The following IPO9 variants were observed in gnomAD, a reference collection of about 807,000 sequenced individuals.
IPO9 encodes importin 9.
A neutral mutation model predicts 128.6 loss-of-function variants in IPO9; 28 were observed. The ratio of observed to expected loss-of-function variants is 0.22; its 90% CI spans 0.16 to 0.30. The LOEUF is 0.30. Ranked by LOEUF, IPO9 falls within the 10% of genes least tolerant of loss-of-function variation. IPO9 has a pLI of 1.00. For missense variants in IPO9, 935 were observed against 1,293.9 expected (o/e 0.72, Z 4.26); for synonymous variants, 455 against 475.8 (o/e 0.96, Z 0.57).
At chr1:201,874,217 A>C (rs569590376) in intron 20 of IPO9, 33 bp from the exon 21 acceptor site, 1 of 1,611,680 alleles carries the variant, frequency 6.2e-7, no homozygotes, top group East Asian at 2.2e-5. Context: ...GCTCAGTGAC[A>C]CTCTGACTTG....
chr1:201,843,827 C>G (rs1321206072), intron 1 of IPO9, among the ~76,000 whole-genome samples: 2 of 95,984 alleles, frequency 2.1e-5, no homozygotes, highest in Middle Eastern at 6.0e-3. Context: ...GATTCTGTCT[C>G]AAAAAAAAAA....
chr1:201,859,330 C>T (rs886509944), intron 13 of IPO9, among the ~76,000 whole-genome samples: 1 of 151,642 alleles, frequency 6.6e-6, no homozygotes, highest in African/African-American at 2.4e-5. Context: ...TCATCCGAAC[C>T]TCTAAAACAG....
chr1:201,844,977 A>G (rs926766362), intron 1 of IPO9, among the ~76,000 whole-genome samples: 2 of 149,266 alleles, frequency 1.3e-5, no homozygotes, highest in African/African-American at 4.9e-5. Context: ...TATATTATTC[A>G]GTCTTAAAAG....
rs530533386 is a variant in IPO9 at position 201,870,389 on chromosome 1, G to A, written c.2134-194G>A. On this transcript the variant is annotated intron_variant, in intron 17 of 23. Transcript: ENST00000361565. The surrounding 1 kb of genome is among the most constrained non-coding windows in gnomAD (Gnocchi z 4.9). ...GTGAGATAGCTGATTAGGTAAAGGG[G>A]GAATTATGTAATGCACGTCTATGTC... is the stretch of plus-strand genomic sequence containing the variant. Among the ~76,000 whole-genome samples, 130 of 152,222 alleles carry A rather than the reference G, an allele frequency of 8.5e-4. 1 individual carries two copies. The Middle Eastern group carries it at 0.024, about 28-fold the overall frequency.
At chr1:201,847,449 G>A in intron 2 of IPO9, 103 bp from the exon 3 acceptor site, 1 of 1,358,876 alleles carries the variant, frequency 7.4e-7, no homozygotes, top group Non-Finnish European at 1.0e-6. Context: ...AGGATGTTGT[G>A]CCAGATTTAG....
At chr1:201,861,129 G>C (rs550881441) in intron 13 of IPO9, among the ~76,000 whole-genome samples, 2,076 of 152,258 alleles carry the variant, frequency 0.014, 43 homozygotes, top group African/African-American at 0.045. Context: ...TTGTGCCAGT[G>C]CGCTCCAGCC....
rs1308887050 is a variant in IPO9 at position 201,876,842 on chromosome 1, A to G, written c.*788A>G. 6.6e-6 allele frequency: 1 copy of G among 152,440 alleles called. No individual in the cohort carries two copies. Among genetic ancestry groups the G allele is most frequent in the African/African-American group, 2.4e-5 (1 of 41,364 alleles). The allele number at this position is 152,440 out of a possible 1,614,324, so 9.4% of individuals were successfully genotyped here. A position where few individuals can be genotyped will look rare whatever the true frequency, so the allele number is the denominator to read the frequency against. ...ATATGCCTCTCCCACACATTACCAC[A>G]GAGTCTGATATTCAAAGGTTATCCC... On this transcript the variant is annotated 3_prime_UTR_variant, in exon 24 of 24. Transcript: ENST00000361565.
intron 5 of IPO9, 147 bp downstream of exon 5, chr1:201,852,339 T>G: frequency 1.8e-6 from 1 of 547,294 alleles, no homozygotes; most frequent in Non-Finnish European, 3.3e-6. Flanking sequence ...TGCATTAACC[T>G]TAGACCTTTC....
rs1269744233 is a variant in IPO9 at position 201,854,699 on chromosome 1, G to A, written c.795G>A (p.Lys265=). The A allele has an allele frequency of 3.7e-6, 6 of 1,614,174 alleles. No individual in the cohort carries two copies. The East Asian group carries it at 1.1e-4, about 30-fold the overall frequency. ...GCCCCACATCTGACAGTGGGTTTAA[G>A]ATGGAGGTCCTAAAGGTAAACACTT... ...PDGPTSDSGF[K]MEVLKAVTAL... Residue 265 remains lysine, a synonymous_variant, in exon 7 of 24, where the codon AAG becomes AAA. Coordinates refer to ENST00000361565, the MANE Select transcript of IPO9 (RefSeq NM_018085.5).
intron 13 of IPO9, among the ~76,000 whole-genome samples, chr1:201,862,022 C>G (rs1413064774): frequency 6.6e-6 from 1 of 152,138 alleles, no homozygotes; most frequent in East Asian, 1.9e-4. Flanking sequence ...AAAGGGAAAT[C>G]ATAGGTAATG....
At chr1:201,863,661 T>C (rs748392253) in intron 14 of IPO9, 54 bp downstream of exon 14, 37 of 1,457,184 alleles carry the variant, frequency 2.5e-5, no homozygotes, top group East Asian at 1.9e-4. Flanking sequence ...AGGTTAGATA[T>C]AACAAATCAC....
At chr1:201,860,616 A>G (rs1414231273) in intron 13 of IPO9, among the ~76,000 whole-genome samples, 1 of 152,198 alleles carries the variant, frequency 6.6e-6, no homozygotes, top group Non-Finnish European at 1.5e-5. Context: ...AAAAGGCTCA[A>G]TATATATCAT....
intron 15 of IPO9, among the ~76,000 whole-genome samples, chr1:201,867,173 C>A (rs1571554047): frequency 6.6e-6 from 1 of 152,138 alleles, no homozygotes; most frequent in Non-Finnish European, 1.5e-5. Flanking sequence ...GTAACACTTA[C>A]TCTCTAGTAA....
At chr1:201,852,948 TACAC>T (rs773527392) in intron 5 of IPO9, 59 bp from the exon 6 acceptor site, 9 of 1,294,412 alleles carry the variant, frequency 7.0e-6, no homozygotes, top group Non-Finnish European at 7.9e-6. Context: ...TAGTCTGAGA[TACAC>T]ACATACCTAC....
chr1:201,832,116 G>T (rs1272759489), intron 1 of IPO9, among the ~76,000 whole-genome samples: 1 of 151,714 alleles, frequency 6.6e-6, no homozygotes, highest in African/African-American at 2.4e-5. Context: ...TGGCCAGGTT[G>T]TCTCGAACTC....
chr1:201,866,702 T>A (rs755430365), intron 14 of IPO9, 31 bp from the exon 15 acceptor site: 628 of 1,529,848 alleles, frequency 4.1e-4, no homozygotes, highest in Non-Finnish European at 5.1e-4. Context: ...GAATTTTTTT[T>A]AATAATTCTT....
intron 1 of IPO9, among the ~76,000 whole-genome samples, chr1:201,842,168 G>A (rs1680046951): frequency 6.6e-6 from 1 of 152,178 alleles, no homozygotes. Flanking sequence ...TCAAGTTGGG[G>A]TTCCCAGGAC....
chr1:201,879,730 A>G lies in IPO9; in HGVS notation c.*3676A>G, dbSNP rs1020361616. The G allele has an allele frequency of 1.3e-5, 2 of 152,222 alleles. No homozygotes were observed. Among genetic ancestry groups the G allele is most frequent in the Non-Finnish European group, 2.9e-5 (2 of 68,048 alleles). The allele number at this position is 152,222 out of a possible 1,614,324, so 9.4% of individuals were successfully genotyped here. ...TATAGAGTACTGTGCTGTCACTAACAGTATTGTGTGCTACTAAGAGTTTAA... is the reference window on the plus strand; with the variant it reads ...TATAGAGTACTGTGCTGTCACTAACGGTATTGTGTGCTACTAAGAGTTTAA... On this transcript the variant is annotated 3_prime_UTR_variant, in exon 24 of 24. Coordinates refer to ENST00000361565, the MANE Select transcript of IPO9 (RefSeq NM_018085.5).
intron 23 of IPO9, 68 bp downstream of exon 23, chr1:201,875,296 A>C: frequency 5.5e-5 from 74 of 1,351,764 alleles, no homozygotes; most frequent in Non-Finnish European, 7.2e-5. Flanking sequence ...ATATGGGCTC[A>C]AATCCATTTA....
Sources: gnomAD v4.1 joint callset for allele counts (sites outside exome capture counted in the v4.1 genomes callset) on GRCh38, gnomAD v4.1.1 for gene constraint, Gnocchi (gnomAD v3.1) non-coding constraint, MANE v1.5 for transcripts, NCBI Gene and HGNC (gene_info 2026-07-23, HGNC 2026-07-21) for gene names.